The following SPTAN1 variants were observed in gnomAD, a reference collection of about 807,000 sequenced individuals.
The protein encoded by SPTAN1 is spectrin alpha, non-erythrocytic 1, also known as spectrin alpha chain, non-erythrocytic 1.
In SPTAN1, 61 loss-of-function variants were observed where a neutral mutation model predicts 331.3. The ratio of observed to expected loss-of-function variants is 0.18; its 90% CI spans 0.15 to 0.23. SPTAN1 has a LOEUF of 0.23. SPTAN1 is among the 10% of genes least tolerant of loss of function. SPTAN1 has a pLI of 1.00. For synonymous variants in SPTAN1, 1,153 were observed against 1,173.9 expected, an observed-to-expected ratio of 0.98 and a Z score of 0.36; for missense variants, 2,043 against 3,147.9, an observed-to-expected ratio of 0.65 and a Z score of 8.40.
intron 51 of SPTAN1, chr9:128,628,809 G>T (rs1564322704): frequency 3.7e-6 from 1 of 270,578 alleles, no homozygotes; most frequent in Non-Finnish European, 6.9e-6. Flanking sequence ...GCAGTTTCCG[G>T]CCTGTGCCCG....
At chr9:128,603,873 A>C (rs1052899551) in intron 28 of SPTAN1, among the ~76,000 whole-genome samples, 4 of 152,244 alleles carry the variant, frequency 2.6e-5, no homozygotes, top group Non-Finnish European at 4.4e-5. Context: ...TCAGTAATGC[A>C]GTGAGCGGCT....
rs1340453556 is a variant in SPTAN1 at position 128,604,454 on chromosome 9, A to G, written c.3719+37A>G. ...GCCCTGGGCTGGGAGAGGGAGAAAC[A>G]GGTGACTGCTGGTTTCCTGACAGCC... On this transcript the variant is annotated intron_variant, in intron 29 of 56. Transcript: ENST00000372739. 1.9e-6 allele frequency: 3 copies of G among 1,587,120 alleles called. No individual in the cohort carries two copies. In the Admixed American group the frequency reaches 5.3e-5, roughly 28 times the overall value.
chr9:128,633,626 TC>T lies in SPTAN1; in HGVS notation c.*293del. The T allele has an allele frequency of 7.6e-7, 1 of 1,307,388 alleles. No individual in the cohort carries two copies. Among genetic ancestry groups the T allele is most frequent in the Non-Finnish European group, 1.1e-6 (1 of 948,242 alleles). The allele number at this position is 1,307,388 out of a possible 1,614,324, so 81.0% of individuals were successfully genotyped here. On this transcript the variant is annotated 3_prime_UTR_variant, in exon 57 of 57. Transcript: ENST00000372739. ...CTCCCACCCTCCCCCAAATCTGTTT[TC>T]ATGTAAAAGACAAATAAATGATGAC... is the stretch of plus-strand genomic sequence containing the variant.
Position 128,633,510 on chromosome 9 carries a change from T to G in SPTAN1, c.*176T>G. ...TTCCGGTCCAGTCACAATCATCATG[T>G]CACTGTGGGGACCCAGATCTGTGTC... On this transcript the variant is annotated 3_prime_UTR_variant, in exon 57 of 57. Coordinates refer to ENST00000372739, the MANE Select transcript of SPTAN1 (RefSeq NM_001130438.3). The G allele has an allele frequency of 8.4e-7, 1 of 1,189,782 alleles. No individual in the cohort carries two copies. The highest frequency in any genetic ancestry group is 1.3e-5 in the South Asian group (1 of 76,678). 73.7% of individuals were successfully genotyped at this position (1,189,782 alleles called of 1,614,324 possible).
intron 31 of SPTAN1, among the ~76,000 whole-genome samples, chr9:128,606,991 T>G (rs1855981046): frequency 6.6e-6 from 1 of 152,140 alleles, no homozygotes; most frequent in Non-Finnish European, 1.5e-5. Context: ...ATCCTTTATC[T>G]GCTTTCTATG....
intron 1 of SPTAN1, 88 bp from the exon 2 acceptor site, chr9:128,566,650 A>T: frequency 6.3e-7 from 1 of 1,581,682 alleles, no homozygotes; most frequent in South Asian, 1.1e-5. Context: ...TTTATCTGAT[A>T]ATTATTTCTT....
chr9:128,562,958 C>G (rs1443243225), intron 1 of SPTAN1, among the ~76,000 whole-genome samples: 2 of 140,784 alleles, frequency 1.4e-5, no homozygotes, highest in Non-Finnish European at 1.5e-5. Context: ...GAGTGAGACT[C>G]CGTCTAAAAA....
chr9:128,587,926 A>C lies in SPTAN1; in HGVS notation c.2871+228A>C, dbSNP rs4837287. 0.97 allele frequency among the ~76,000 whole-genome samples: 146,929 copies of C among 151,846 alleles called. 71,258 individuals are homozygous for C. Among genetic ancestry groups the C allele is most frequent in the Non-Finnish European group, 1 (67,913 of 67,958 alleles). ...AGTGGCACAACCTCGGCTCACTGCA[A>C]CCTCCGCCTCCTGGGTTCAAGCGAT... is the stretch of plus-strand genomic sequence containing the variant. On this transcript the variant is annotated intron_variant, in intron 20 of 56. Transcript: ENST00000372739.
chr9:128,597,805 C>T (rs1357061724), intron 24 of SPTAN1, among the ~76,000 whole-genome samples: 3 of 152,200 alleles, frequency 2.0e-5, no homozygotes, highest in African/African-American at 4.8e-5. Flanking sequence ...CGCCTGCCAC[C>T]GCGCCTAGCT....
Position 128,579,665 on chromosome 9 carries a change from T to A in SPTAN1, c.1250T>A (p.Phe417Tyr). The A allele has an allele frequency of 6.2e-7, 1 of 1,614,146 alleles. No individual in the cohort carries two copies. Among genetic ancestry groups the A allele is most frequent in the Non-Finnish European group, 8.5e-7 (1 of 1,179,998 alleles). ...GAAATTGATGCCCATGAAGACAGCT[T>A]CAAATCTGCAGATGAATCTGGACAG... is the stretch of plus-strand genomic sequence containing the variant. ...KGEIDAHEDS[F>Y]KSADESGQAL... The change falls in exon 10 of 57, where the codon TTC (phenylalanine) becomes TAC (tyrosine). Residue 417 changes from phenylalanine (F) to tyrosine (Y), a missense_variant. Phe to Tyr is a conservative substitution (Grantham distance 22). Around this residue, in one of 12 missense-constraint regions of SPTAN1, gnomAD observed 1,038 missense variants for 1,531.5 expected, o/e 0.68. Coordinates refer to ENST00000372739, the MANE Select transcript of SPTAN1 (RefSeq NM_001130438.3).
Position 128,607,955 on chromosome 9 carries a change from A to G in SPTAN1, c.4250A>G (p.Lys1417Arg), listed in dbSNP as rs770101520. 6 of 1,614,028 alleles carry G rather than the reference A, an allele frequency of 3.7e-6. No homozygotes were observed. The East Asian group carries it at 8.9e-5, about 24-fold the overall frequency. Residue 1417 changes from lysine (K) to arginine (R), a missense_variant, in exon 33 of 57, where the codon AAG becomes AGG. Physicochemically the swap from Lys to Arg is conservative, Grantham distance 26. Around this residue, in one of 12 missense-constraint regions of SPTAN1, gnomAD observed 179 missense variants for 215.7 expected, o/e 0.83. Transcript: ENST00000372739. ...GGACACTATGCCAGCCCTGAGATCAAGCAGAAACTTGATATTCTTGACCAG... is the reference window on the plus strand; with the variant it reads ...GGACACTATGCCAGCCCTGAGATCAGGCAGAAACTTGATATTCTTGACCAG... ...AHGHYASPEI[K>R]QKLDILDQER... is the part of the protein sequence containing the mutation.
At chr9:128,602,192 TTTTTTTTTG>T (rs1219709292) in intron 27 of SPTAN1, among the ~76,000 whole-genome samples, 1 of 151,552 alleles carries the variant, frequency 6.6e-6, no homozygotes, top group African/African-American at 2.4e-5. Flanking sequence ...CCCTCCTGTT[TTTTTTTTTG>T]TTTTTTTTGG....
chr9:128,610,113 G>A (rs1856404758), intron 37 of SPTAN1, among the ~76,000 whole-genome samples: 1 of 152,164 alleles, frequency 6.6e-6, no homozygotes, highest in Non-Finnish European at 1.5e-5. Flanking sequence ...GCATCCAGAG[G>A]TGCCAGTCAG....
chr9:128,601,561 A>G (rs1855157381), intron 27 of SPTAN1, among the ~76,000 whole-genome samples: 1 of 102,256 alleles, frequency 9.8e-6, no homozygotes, highest in South Asian at 3.7e-4. Context: ...GGCTCTACAA[A>G]TAAAAATAAA....
chr9:128,630,500 C>CCTAAAG lies in SPTAN1; in HGVS notation c.6762+127_6762+132dup. On this transcript the variant is annotated intron_variant, in intron 52 of 56. Transcript: ENST00000372739. ...CTATTATTGTACCCTTTTCCCTTGG[C>CCTAAAG]CTAAAGCAGTCTAGGGCTCTTCACT... The CCTAAAG allele has an allele frequency of 3.3e-6, 3 of 905,052 alleles. No individual in the cohort carries two copies. The South Asian group carries it at 4.0e-5, about 12-fold the overall frequency. The allele number at this position is 905,052 out of a possible 1,614,324, so 56.1% of individuals were successfully genotyped here. A position where few individuals can be genotyped will look rare whatever the true frequency, so the allele number is the denominator to read the frequency against.
chr9:128,585,644 C>A, intron 18 of SPTAN1, 104 bp from the exon 19 acceptor site: 1 of 957,544 alleles, frequency 1.0e-6, no homozygotes, highest in South Asian at 1.3e-5. Context: ...CTCACCAAAA[C>A]ATAGTAATGA....
At chr9:128,572,684 G>A (rs1311261524) in intron 3 of SPTAN1, among the ~76,000 whole-genome samples, 1 of 152,162 alleles carries the variant, frequency 6.6e-6, no homozygotes, top group Non-Finnish European at 1.5e-5. Context: ...GGCAGAAAGT[G>A]GTAGCAGAGG....
At position 128,625,292 on chromosome 9, in the gene SPTAN1, GA is replaced by G; in HGVS notation, c.6069+118del. On this transcript the variant is annotated intron_variant, in intron 47 of 56. Transcript: ENST00000372739. This position sits in a 1 kb window ranked among gnomAD's most constrained non-coding sequence, Gnocchi z 4.1. ...TCTGTTAGCCCCTGGGGATCAGCAGGAAAAAGATCCTGTCCTGGTCCTCAGG... is the reference window on the plus strand; with the variant it reads ...TCTGTTAGCCCCTGGGGATCAGCAGGAAAAGATCCTGTCCTGGTCCTCAGG... The G allele has an allele frequency of 9.1e-7, 1 of 1,101,948 alleles. No individual in the cohort carries two copies. Among genetic ancestry groups the G allele is most frequent in the Non-Finnish European group, 1.4e-6 (1 of 736,138 alleles). 68.3% of individuals were successfully genotyped at this position (1,101,948 alleles called of 1,614,324 possible). A position where few individuals can be genotyped will look rare whatever the true frequency, so the allele number is the denominator to read the frequency against.
At position 128,627,872 on chromosome 9, in the gene SPTAN1, C is replaced by T. The variant is rs1019451445; in HGVS notation, c.6690-53C>T. 2 of 1,608,036 alleles carry T rather than the reference C, an allele frequency of 1.2e-6. No homozygotes were observed. Among genetic ancestry groups the T allele is most frequent in the African/African-American group, 1.3e-5 (1 of 74,810 alleles). ...CTTCTCTCTGTCCCCCCGATTGCTG[C>T]TGTTGTCCGGACACCACCTTGTCTC... On this transcript the variant is annotated intron_variant, in intron 50 of 56. Transcript: ENST00000372739. The surrounding 1 kb of genome is among the most constrained non-coding windows in gnomAD (Gnocchi z 4.9).
Sources: gnomAD v4.1 joint callset for allele counts (sites outside exome capture counted in the v4.1 genomes callset) on GRCh38, gnomAD v4.1.1 for gene constraint, gnomAD v4.1.1 regional missense constraint, Gnocchi (gnomAD v3.1) non-coding constraint, MANE v1.5 for transcripts, NCBI Gene and HGNC (gene_info 2026-07-23, HGNC 2026-07-21) for gene names.